The following MARK1 variants were observed in gnomAD, a reference collection of about 807,000 sequenced individuals.
MARK1 encodes the protein microtubule affinity regulating kinase 1, also known as serine/threonine-protein kinase MARK1.
A neutral mutation model predicts 96.3 loss-of-function variants in MARK1; 40 were observed. That is an observed-to-expected ratio of 0.42 (90% CI 0.32 to 0.54). The LOEUF (loss-of-function observed/expected upper bound fraction) is 0.54, where lower values mean the gene tolerates loss of function less well. MARK1 is among the 20% of genes least tolerant of loss of function. The pLI is 0.16. For missense variants in MARK1, 719 were observed against 984.6 expected (o/e 0.73, Z 3.61); for synonymous variants, 317 against 341.2 (o/e 0.93, Z 0.78).
At chr1:220,536,359 CT>C (rs1660682057) in intron 1 of MARK1, among the ~76,000 whole-genome samples, 1 of 149,702 alleles carries the variant, frequency 6.7e-6, no homozygotes, top group Admixed American at 6.7e-5. Context: ...AAAGGGAAAC[CT>C]TTGTTTTCTA....
chr1:220,531,345 A>G (rs1660304128), intron 1 of MARK1, among the ~76,000 whole-genome samples: 1 of 152,202 alleles, frequency 6.6e-6, no homozygotes, highest in Non-Finnish European at 1.5e-5. Context: ...TATTCATATG[A>G]CTATTAAAGG....
At chr1:220,599,951 C>CA (rs1247541141) in intron 5 of MARK1, 88 bp downstream of exon 5, 2 of 755,464 alleles carry the variant, frequency 2.6e-6, no homozygotes, top group Non-Finnish European at 2.1e-6. Context: ...TTTATGTCTT[C>CA]AGTGTTAATG....
intron 3 of MARK1, among the ~76,000 whole-genome samples, chr1:220,592,213 T>C (rs781656188): frequency 3.8e-5 from 5 of 131,394 alleles, no homozygotes; most frequent in Non-Finnish European, 7.8e-5. Context: ...ACTGTCATGA[T>C]TATATCATAT....
At chr1:220,635,240 A>G in intron 11 of MARK1, 136 bp from the exon 12 acceptor site, 1 of 813,442 alleles carries the variant, frequency 1.2e-6, no homozygotes, top group Middle Eastern at 3.8e-4. Flanking sequence ...TCTAGGCCCA[A>G]TACTACACTG....
intron 13 of MARK1, among the ~76,000 whole-genome samples, chr1:220,643,132 G>C (rs1427714442): frequency 6.6e-6 from 1 of 152,222 alleles, no homozygotes; most frequent in Non-Finnish European, 1.5e-5. Flanking sequence ...GTAGGCTTCA[G>C]AAAGTGGGTA....
chr1:220,620,082 G>T (rs768755849), intron 9 of MARK1, among the ~76,000 whole-genome samples: 9 of 152,108 alleles, frequency 5.9e-5, no homozygotes, highest in Admixed American at 5.2e-4. Context: ...AAGGGATGGC[G>T]ACTTCCATTG....
intron 3 of MARK1, among the ~76,000 whole-genome samples, chr1:220,597,591 T>A: frequency 6.6e-6 from 1 of 152,232 alleles, no homozygotes; most frequent in Admixed American, 6.5e-5. Flanking sequence ...ATAAAATGCA[T>A]ATGTCTTAAT....
At chr1:220,612,042 G>A (rs901404425) in intron 6 of MARK1, among the ~76,000 whole-genome samples, 3 of 152,118 alleles carry the variant, frequency 2.0e-5, no homozygotes, top group Non-Finnish European at 4.4e-5. Flanking sequence ...CACACACATC[G>A]TTTTAAGTAT....
At position 220,565,547 on chromosome 1, in the gene MARK1, G is replaced by A. The variant is rs370363957; in HGVS notation, c.52-13807G>A. 8.9e-4 allele frequency among the ~76,000 whole-genome samples: 135 copies of A among 151,950 alleles called. 1 individual carries two copies. The highest frequency in any genetic ancestry group is 3.0e-3 in the African/African-American group (125 of 41,460). On this transcript the variant is annotated intron_variant, in intron 1 of 17. Transcript: ENST00000366917. ...GCTACATGGCAAGCCCCTGGTCTTG[G>A]ATTGCCTATGAAGAGCGGGGGTCGG...
chr1:220,638,149 T>C (rs1668075158), intron 13 of MARK1, among the ~76,000 whole-genome samples: 1 of 150,844 alleles, frequency 6.6e-6, no homozygotes, highest in Non-Finnish European at 1.5e-5. Context: ...CAGAAGCCAC[T>C]ATTTGCCTTA....
intron 1 of MARK1, among the ~76,000 whole-genome samples, chr1:220,553,897 G>A (rs1662053353): frequency 6.6e-6 from 1 of 152,202 alleles, no homozygotes; most frequent in Non-Finnish European, 1.5e-5. Flanking sequence ...GGGTTCAAGT[G>A]GCTAAGCAGC....
intron 1 of MARK1, among the ~76,000 whole-genome samples, chr1:220,529,636 A>G (rs1660173272): frequency 6.6e-6 from 1 of 152,176 alleles, no homozygotes; most frequent in Non-Finnish European, 1.5e-5. Flanking sequence ...CAAGGTGCAC[A>G]TCTTTAAAGG....
chr1:220,585,333 A>G (rs1654398219), intron 3 of MARK1, among the ~76,000 whole-genome samples: 1 of 152,180 alleles, frequency 6.6e-6, no homozygotes, highest in African/African-American at 2.4e-5. Context: ...ACACTGAAAT[A>G]TGAGGATTTT....
At chr1:220,628,466 A>C (rs1256295859) in intron 9 of MARK1, among the ~76,000 whole-genome samples, 1 of 152,144 alleles carries the variant, frequency 6.6e-6, no homozygotes. Flanking sequence ...TGCTAAACAC[A>C]AGGGGCTACT....
rs1660071219 is a variant in MARK1, at chr1:220,528,563, A to C, written c.-260A>C. On this transcript the variant is annotated 5_prime_UTR_variant, in exon 1 of 18. Coordinates refer to ENST00000366917, the MANE Select transcript of MARK1 (RefSeq NM_018650.5). ...CTCGCCGCCCCGCCAGCGCCGGGCA[A>C]CCGCCTCGCCCGAAGCCCTCCCTCG... The C allele has an allele frequency of 4.4e-6, 2 of 452,362 alleles. No homozygotes were observed. Among genetic ancestry groups the C allele is most frequent in the Non-Finnish European group, 7.8e-6 (2 of 257,348 alleles). The allele number at this position is 452,362 out of a possible 1,614,324, so 28.0% of individuals were successfully genotyped here.
At chr1:220,554,520 G>A (rs570478984) in intron 1 of MARK1, among the ~76,000 whole-genome samples, 1 of 152,312 alleles carries the variant, frequency 6.6e-6, no homozygotes, top group South Asian at 2.1e-4. Flanking sequence ...AATGTCTGTA[G>A]TACTGAGTTT....
chr1:220,589,403 C>T (rs1320825908), intron 3 of MARK1, among the ~76,000 whole-genome samples: 4 of 152,168 alleles, frequency 2.6e-5, no homozygotes, highest in Non-Finnish European at 4.4e-5. Flanking sequence ...GGAAAATGCA[C>T]ATAATTGAGG....
At chr1:220,573,397 C>G (rs1003217875) in intron 1 of MARK1, among the ~76,000 whole-genome samples, 3 of 152,084 alleles carry the variant, frequency 2.0e-5, no homozygotes, top group Admixed American at 6.5e-5. Flanking sequence ...GATCTTGGCT[C>G]ACTGCAAGCT....
At chr1:220,622,039 G>A (rs1489638342) in intron 9 of MARK1, among the ~76,000 whole-genome samples, 1 of 152,108 alleles carries the variant, frequency 6.6e-6, no homozygotes, top group Non-Finnish European at 1.5e-5. Flanking sequence ...ATATGTGAAT[G>A]CTGTCAGCTC....
Sources: allele counts gnomAD v4.1 joint callset (sites outside exome capture counted in the v4.1 genomes callset), GRCh38; gene constraint gnomAD v4.1.1; transcripts MANE v1.5; gene names NCBI Gene and HGNC (gene_info 2026-07-23, HGNC 2026-07-21).